CALCR: variants seen among roughly 807,000 people sequenced by gnomAD.
CALCR encodes calcitonin receptor.
A neutral mutation model predicts 59.5 loss-of-function variants in CALCR; 47 were observed. That is an observed-to-expected ratio of 0.79 (90% confidence interval 0.63 to 1.01). CALCR has a LOEUF of 1.01. Ranked by LOEUF, CALCR falls within the 50% of genes least tolerant of loss-of-function variation. CALCR has a pLI of 0.00. For missense variants in CALCR, 566 were observed against 597.1 expected (o/e 0.95, Z 0.54); for synonymous variants, 213 against 211.3 (o/e 1.01, Z -0.07).
intron 2 of CALCR, among the ~76,000 whole-genome samples, chr7:93,526,825 C>A (rs1455870320): frequency 6.6e-6 from 1 of 151,946 alleles, no homozygotes; most frequent in African/African-American, 2.4e-5. Context: ...TCAACATTTT[C>A]TTTTAAAGGA....
rs532699489 is a variant in CALCR, at chr7:93,442,953, G to A, written c.802+651C>T. On this transcript the variant is annotated intron_variant, in intron 9 of 13. Transcript: ENST00000426151. ...AGCTGGACTTTCAGCAGCCCTGGGG[G>A]AAAGGGAGCAATTCTAGAGCATCCC... Among the ~76,000 whole-genome samples the A allele has an allele frequency of 3.2e-4, 48 of 152,262 alleles. No individual in the cohort carries two copies. In the South Asian group the frequency reaches 9.5e-3, roughly 30 times the overall value.
intron 8 of CALCR, among the ~76,000 whole-genome samples, chr7:93,452,296 C>G (rs980670551): frequency 6.6e-6 from 1 of 151,942 alleles, no homozygotes; most frequent in African/African-American, 2.4e-5. Flanking sequence ...GCAGTAAACT[C>G]ACAACCCAAT....
Position 93,473,589 on chromosome 7 carries a change from C to CT in CALCR, c.317-1103_317-1102insA, listed in dbSNP as rs1562987822. On this transcript the variant is annotated intron_variant, in intron 5 of 13. Coordinates refer to ENST00000426151, the MANE Select transcript of CALCR (RefSeq NM_001742.4). ...AGGTAACACTGGTTTGGCCCCCCCCCCTTTTTTTTTTTTTTTTTGAAATTG... is the reference window on the plus strand; with the variant it reads ...AGGTAACACTGGTTTGGCCCCCCCCCTCTTTTTTTTTTTTTTTTTGAAATTG... Among the ~76,000 whole-genome samples the CT allele has an allele frequency of 7.2e-4, 87 of 121,156 alleles. 1 individual carries two copies. Among genetic ancestry groups the CT allele is most frequent in the African/African-American group, 2.3e-3 (66 of 28,430 alleles). 79.5% of individuals were successfully genotyped at this position (121,156 alleles called of 152,430 possible). A position where few individuals can be genotyped will look rare whatever the true frequency, so the allele number is the denominator to read the frequency against.
rs772684904 is a variant in CALCR, at chr7:93,569,559, G to A, written c.-27+4730C>T. On this transcript the variant is annotated intron_variant, in intron 2 of 13. Coordinates refer to ENST00000426151, the MANE Select transcript of CALCR (RefSeq NM_001742.4). The stretch of plus-strand genomic sequence containing the variant: ...TCCCTGATGTCCGGGCTGGTTGTCC[G>A]GCTAGGCACCCTCATGGCATTTCTC... 1.2e-4 allele frequency among the ~76,000 whole-genome samples: 19 copies of A among 152,024 alleles called. 1 individual carries two copies. The highest frequency in any genetic ancestry group is 2.4e-5 in the African/African-American group (1 of 41,386).
intron 8 of CALCR, among the ~76,000 whole-genome samples, chr7:93,460,079 G>C (rs1277676664): frequency 6.6e-6 from 1 of 151,948 alleles, no homozygotes; most frequent in Non-Finnish European, 1.5e-5. Flanking sequence ...GAGATGACTG[G>C]GCCAAGCCCA....
intron 2 of CALCR, among the ~76,000 whole-genome samples, chr7:93,565,463 T>C (rs1245731743): frequency 6.6e-6 from 1 of 152,230 alleles, no homozygotes; most frequent in African/African-American, 2.4e-5. Context: ...GCTAAGTTTC[T>C]CATTGACCTT....
At chr7:93,454,763 T>TAA (rs143021485) in intron 8 of CALCR, among the ~76,000 whole-genome samples, 2 of 151,810 alleles carry the variant, frequency 1.3e-5, no homozygotes, top group African/African-American at 4.8e-5. Flanking sequence ...TAACTTTTTT[T>TAA]AAAAAAAGAA....
At chr7:93,549,568 G>C (rs1480645072) in intron 2 of CALCR, among the ~76,000 whole-genome samples, 1 of 152,078 alleles carries the variant, frequency 6.6e-6, no homozygotes, top group African/African-American at 2.4e-5. Flanking sequence ...AAGTTTTCTA[G>C]GAGAATAATT....
intron 6 of CALCR, 27 bp from the exon 7 acceptor site, chr7:93,468,833 A>G: frequency 7.9e-7 from 1 of 1,268,432 alleles, no homozygotes; most frequent in Non-Finnish European, 1.1e-6. Flanking sequence ...TAAACAAACA[A>G]ACAATGAATG....
At chr7:93,521,073 G>T (rs922095362) in intron 2 of CALCR, among the ~76,000 whole-genome samples, 2 of 152,060 alleles carry the variant, frequency 1.3e-5, no homozygotes, top group Admixed American at 6.6e-5. Flanking sequence ...CCAGTGAAAG[G>T]TCCAAACCCT....
At chr7:93,430,787 G>C (rs1314885543) in intron 13 of CALCR, among the ~76,000 whole-genome samples, 1 of 152,144 alleles carries the variant, frequency 6.6e-6, no homozygotes, top group Non-Finnish European at 1.5e-5. Flanking sequence ...GGAAACTGCT[G>C]CTGGGGCCAA....
At chr7:93,509,678 A>G (rs925942880) in intron 2 of CALCR, among the ~76,000 whole-genome samples, 1 of 152,194 alleles carries the variant, frequency 6.6e-6, no homozygotes, top group Admixed American at 6.5e-5. Context: ...TTTACTCAAT[A>G]AAATCATTCA....
rs531102121 is a variant in CALCR at position 93,546,450 on chromosome 7, T to C, written c.-27+27839A>G. Among the ~76,000 whole-genome samples, 12 of 152,302 alleles carry C rather than the reference T, an allele frequency of 7.9e-5. No homozygotes were observed. The South Asian group carries it at 2.5e-3, about 32-fold the overall frequency. On this transcript the variant is annotated intron_variant, in intron 2 of 13. Coordinates refer to ENST00000426151, the MANE Select transcript of CALCR (RefSeq NM_001742.4). The stretch of plus-strand genomic sequence containing the variant: ...ATAATGTATTTAAAGCCACACAGTT[T>C]TTAAGTGGCAGTAGCTGGAAGTCAA...
At chr7:93,541,189 G>C (rs1789127656) in intron 2 of CALCR, among the ~76,000 whole-genome samples, 2 of 151,950 alleles carry the variant, frequency 1.3e-5, no homozygotes, top group South Asian at 2.1e-4. Context: ...TATTATTATT[G>C]TTTGAGATGG....
intron 2 of CALCR, among the ~76,000 whole-genome samples, chr7:93,514,144 A>G (rs1801605278): frequency 6.6e-6 from 1 of 152,120 alleles, no homozygotes; most frequent in Admixed American, 6.6e-5. Context: ...GTGAATTTGT[A>G]GTCTATGTGC....
At chr7:93,572,500 A>C (rs1378999202) in intron 2 of CALCR, among the ~76,000 whole-genome samples, 1 of 152,180 alleles carries the variant, frequency 6.6e-6, no homozygotes, top group Non-Finnish European at 1.5e-5. Flanking sequence ...CGAGTTGAGA[A>C]TACTGATTTA....
intron 2 of CALCR, among the ~76,000 whole-genome samples, chr7:93,564,725 A>G (rs1789823201): frequency 6.6e-6 from 1 of 150,562 alleles, no homozygotes; most frequent in African/African-American, 2.5e-5. Context: ...AAATACTGGG[A>G]TTACAGGAGT....
At chr7:93,558,276 T>C (rs1789657755) in intron 2 of CALCR, among the ~76,000 whole-genome samples, 1 of 152,066 alleles carries the variant, frequency 6.6e-6, no homozygotes, top group South Asian at 2.1e-4. Context: ...TTCTTGTGCT[T>C]TATAAAATTA....
chr7:93,441,365 G>A (rs1236270065), intron 9 of CALCR: 2 of 325,976 alleles, frequency 6.1e-6, no homozygotes, highest in African/African-American at 4.4e-5. Flanking sequence ...GTCTTTGACT[G>A]GAAGGCATTT....
Sources: allele counts gnomAD v4.1 joint callset (sites outside exome capture counted in the v4.1 genomes callset), GRCh38; gene constraint gnomAD v4.1.1; transcripts MANE v1.5; gene names NCBI Gene and HGNC (gene_info 2026-07-23, HGNC 2026-07-21).